Variants in PRRC2A observed in about 807,000 individuals in gnomAD.
PRRC2A encodes the protein proline rich coiled-coil 2A.
Under a neutral mutation model 224.6 loss-of-function variants are expected in PRRC2A, and 59 were observed. The observed-to-expected ratio is 0.26, with a 90% confidence interval of 0.21 to 0.33. The LOEUF (loss-of-function observed/expected upper bound fraction) is 0.33. PRRC2A is among the 10% of genes least tolerant of loss of function. The pLI is 1.00. For missense variants in PRRC2A, 3,095 were observed against 2,880.7 expected (o/e 1.07, Z -1.70); for synonymous variants, 1,194 against 1,109.5 (o/e 1.08, Z -1.51).
chr6:31,629,996 G>C, intron 14 of PRRC2A, 151 bp downstream of exon 14: 1 of 1,345,406 alleles, frequency 7.4e-7, no homozygotes, highest in Non-Finnish European at 1.0e-6. Context: ...AGATAGCTCT[G>C]TTGCAAAAAT....
At position 31,634,745 on chromosome 6, in the gene PRRC2A, C is replaced by T. The variant is rs1777112291; in HGVS notation, c.4936-8C>T. ...TGACTTAACTAGCTCCTTCTCCACT[C>T]CTCTCAGATGAGTCAGTCTGACAGT... On this transcript the variant is annotated splice_polypyrimidine_tract_variant and splice_region_variant and intron_variant, in intron 20 of 30. Transcript: ENST00000376033. 1 of 1,610,946 alleles carries T rather than the reference C, an allele frequency of 6.2e-7. No individual in the cohort carries two copies. The highest frequency in any genetic ancestry group is 2.2e-5 in the East Asian group (1 of 44,874).
At chr6:31,633,747 G>T (rs771417042) in intron 17 of PRRC2A, 100 bp downstream of exon 17, 3 of 1,528,546 alleles carry the variant, frequency 2.0e-6, no homozygotes, top group Non-Finnish European at 2.6e-6. Context: ...CCCTGCTGCT[G>T]GGTGCGTTTC....
Position 31,624,290 on chromosome 6 carries a change from A to C in PRRC2A, c.320A>C (p.Glu107Ala), listed in dbSNP as rs1211259084. 1 of 1,613,798 alleles carries C rather than the reference A, an allele frequency of 6.2e-7. No homozygotes were observed. The highest frequency in any genetic ancestry group is 1.3e-5 in the African/African-American group (1 of 74,942). ...SSDASTAQPPESQPLPASQTP... is the reference protein window; with the variant it reads ...SSDASTAQPPASQPLPASQTP... ...GATGCCTCAACCGCTCAGCCGCCGG[A>C]ATCGCAGCCACTGCCGGCTTCACAG... The change falls in exon 4 of 31, where the codon GAA becomes GCA. Residue 107 changes from glutamate to alanine, a missense_variant. Glu to Ala is a moderately radical substitution (Grantham distance 107). Around this residue, in one of 8 missense-constraint regions of PRRC2A, gnomAD observed 52 missense variants for 77.9 expected, o/e 0.67. Transcript: ENST00000376033.
rs769872470 is a variant in PRRC2A at position 31,632,341 on chromosome 6, G to A, written c.3668G>A (p.Arg1223His). The A allele has an allele frequency of 2.2e-5, 36 of 1,613,306 alleles. No individual in the cohort carries two copies. Among genetic ancestry groups the A allele is most frequent in the Middle Eastern group, 1.6e-4 (1 of 6,084 alleles). The change falls in exon 16 of 31, where the codon CGC (arginine) becomes CAC (histidine). Residue 1223 changes from arginine (R) to histidine (H), a missense_variant. Coordinates refer to ENST00000376033, the MANE Select transcript of PRRC2A (RefSeq NM_004638.4). ...CCAGGGCCTCTGTCCCCTGTGGCGC[G>A]CGGAGGCAGCAATGGAGGTAGCAAT... The part of the protein sequence containing the change: ...LIPGPLSPVA[R>H]GGSNGGSNVG...
Position 31,636,750 on chromosome 6 carries a change from A to C in PRRC2A, c.5952A>C (p.Val1984=). ...APAQQMLLPM[V]DSQLPVVNFG... ...TGTTACAGATGCTTCTACCCATGGT[A>C]GACTCACAGCTGCCTGTGGTGAACT... The change falls in exon 28 of 31, where the codon GTA becomes GTC. Residue 1984 remains valine (V), a synonymous_variant. Coordinates refer to ENST00000376033, the MANE Select transcript of PRRC2A (RefSeq NM_004638.4). This position sits in a 1 kb window ranked among gnomAD's most constrained non-coding sequence, Gnocchi z 4.3. The C allele has an allele frequency of 3.1e-6, 5 of 1,607,012 alleles. No individual in the cohort carries two copies. The highest frequency in any genetic ancestry group is 3.4e-6 in the Non-Finnish European group (4 of 1,179,994).
rs775287476 is a variant in PRRC2A, at chr6:31,626,995, T to A, written c.1087T>A (p.Ser363Thr). 2 of 1,614,184 alleles carry A rather than the reference T, an allele frequency of 1.2e-6. No homozygotes were observed. Among genetic ancestry groups the A allele is most frequent in the South Asian group, 2.2e-5 (2 of 91,092 alleles). ...ATCTGCTCACAGCAGGGATTCCCAA[T>A]CAGCTTCTGGTGAGGAACGGCCCCC... The part of the protein sequence containing the change: ...EGAEGHRDSQ[S>T]ASGEERPPEA... Residue 363 changes from serine (S) to threonine (T), a missense_variant, in exon 11 of 31, where the codon TCA (serine) becomes ACA (threonine). Around this residue, in one of 8 missense-constraint regions of PRRC2A, gnomAD observed 2,001 missense variants for 1,764.9 expected, o/e 1.13. Transcript: ENST00000376033.
chr6:31,628,932 G>T, intron 12 of PRRC2A: 1 of 560,738 alleles, frequency 1.8e-6, no homozygotes. Context: ...TTGTTCTAAT[G>T]GTTTCATAGA....
Position 31,625,494 on chromosome 6 carries a change from C to T in PRRC2A, c.642C>T (p.Gly214=). The T allele has an allele frequency of 2.5e-6, 4 of 1,587,272 alleles. No individual in the cohort carries two copies. Among genetic ancestry groups the T allele is most frequent in the Non-Finnish European group, 3.4e-6 (4 of 1,163,200 alleles). Residue 214 remains glycine, a synonymous_variant, in exon 7 of 31, where the codon GGC becomes GGT. Coordinates refer to ENST00000376033, the MANE Select transcript of PRRC2A (RefSeq NM_004638.4). This position sits in a 1 kb window ranked among gnomAD's most constrained non-coding sequence, Gnocchi z 4.1. ...CTTGGAGGGACGGAGGTGGGCGTGG[C>T]CCTGATGAGCTGGAGGGCCCGGACT... ...STTWRDGGGR[G]PDELEGPDSK...
At position 31,622,917 on chromosome 6, in the gene PRRC2A, A is replaced by T; in HGVS notation, c.112+16A>T. ...AAACCCGCTGGTGAGAGTCCTGCAA[A>T]GATGCTTCTGATGGTTGAAAGCTAG... On this transcript the variant is annotated intron_variant, in intron 2 of 30. Transcript: ENST00000376033. The T allele has an allele frequency of 6.2e-7, 1 of 1,600,216 alleles. No individual in the cohort carries two copies.
intron 14 of PRRC2A, 47 bp downstream of exon 14, chr6:31,629,892 TTAGGCATTGGATATTAG>T: frequency 6.2e-7 from 1 of 1,604,200 alleles, no homozygotes; most frequent in Non-Finnish European, 8.5e-7. Flanking sequence ...CCCCTCAGTC[TTAGGCATTGGATATTAG>T]GGTCTTACTG....
chr6:31,634,057 TTC>T lies in PRRC2A; in HGVS notation c.4719+72_4719+73del, dbSNP rs906969098. 55 of 1,582,582 alleles carry T rather than the reference TTC, an allele frequency of 3.5e-5. No individual in the cohort carries two copies. In the African/African-American group the frequency reaches 6.2e-4, roughly 18 times the overall value. Reference sequence around the variant, plus strand: ...CGTGAAAATTCTTCTGGGTTATGTTTTCTCTGTTTTCTTTCCTGTTTCTTTCA... The same window carrying T: ...CGTGAAAATTCTTCTGGGTTATGTTTTCTGTTTTCTTTCCTGTTTCTTTCA... On this transcript the variant is annotated intron_variant, in intron 18 of 30. Transcript: ENST00000376033.
At chr6:31,626,543 C>G (rs556497185) in intron 9 of PRRC2A, among the ~76,000 whole-genome samples, 2 of 147,938 alleles carry the variant, frequency 1.4e-5, no homozygotes, top group African/African-American at 2.5e-5. Context: ...GGCAACAGAG[C>G]GAGACTTTTA....
In PRRC2A at chr6:31,636,032, C is replaced by G. The variant is rs1331714374; in HGVS notation, c.5607C>G (p.Pro1869=). 4 of 1,612,406 alleles carry G rather than the reference C, an allele frequency of 2.5e-6. No individual in the cohort carries two copies. The Admixed American group carries it at 5.0e-5, about 20-fold the overall frequency. The part of the protein sequence containing the change: ...PNSGGFRPGT[P]SLHPYRSQPL... Reference sequence around the variant, plus strand: ...GTGGAGGCTTCCGCCCTGGGACACCCTCACTGCACCCTTACAGGTAAGACT... The same window carrying G: ...GTGGAGGCTTCCGCCCTGGGACACCGTCACTGCACCCTTACAGGTAAGACT... The change falls in exon 25 of 31, where the codon CCC becomes CCG. Residue 1869 remains proline, a synonymous_variant. Coordinates refer to ENST00000376033, the MANE Select transcript of PRRC2A (RefSeq NM_004638.4). This position sits in a 1 kb window ranked among gnomAD's most constrained non-coding sequence, Gnocchi z 4.3.
Position 31,633,413 on chromosome 6 carries a change from C to G in PRRC2A, c.4354C>G (p.Leu1452Val). Residue 1452 changes from leucine to valine, a missense_variant, in exon 17 of 31, where the codon CTG (leucine) becomes GTG (valine). Transcript: ENST00000376033. The stretch of plus-strand genomic sequence containing the variant: ...AGAGGAGCGTCCCCCGGGGCTTCCC[C>G]TGCCTCCCCCACCTCCCAGCAGTTC... ...PPEERPPGLP[L>V]PPPPPSSSAV... The G allele has an allele frequency of 6.2e-7, 1 of 1,613,060 alleles. No individual in the cohort carries two copies. The highest frequency in any genetic ancestry group is 8.5e-7 in the Non-Finnish European group (1 of 1,180,006).
chr6:31,627,610 A>T lies in PRRC2A; in HGVS notation c.1291-155A>T, dbSNP rs1776059064. Among the ~76,000 whole-genome samples the T allele has an allele frequency of 1.3e-5, 2 of 152,128 alleles. No homozygotes were observed. The highest frequency in any genetic ancestry group is 2.1e-4 in the South Asian group (1 of 4,822). ...ATAGCAAGACGTGGTCTCAAAGAAG[A>T]CCAGGATAATGAGTTTGTCACCACC... On this transcript the variant is annotated intron_variant, in intron 11 of 30. Transcript: ENST00000376033. This position sits in a 1 kb window ranked among gnomAD's most constrained non-coding sequence, Gnocchi z 5.6.
In PRRC2A at chr6:31,637,342, G is replaced by A; in HGVS notation, c.6333+18G>A. 4 of 1,606,026 alleles carry A rather than the reference G, an allele frequency of 2.5e-6. No homozygotes were observed. The highest frequency in any genetic ancestry group is 3.4e-6 in the Non-Finnish European group (4 of 1,173,626). ...ACCAGCAGGTGAAGGAGAAACCCTT[G>A]TGGCCCCAACTCTAAATTCGAGTTG... On this transcript the variant is annotated intron_variant, in intron 30 of 30. Coordinates refer to ENST00000376033, the MANE Select transcript of PRRC2A (RefSeq NM_004638.4).
chr6:31,628,125 C>A lies in PRRC2A; in HGVS notation c.1651C>A (p.Gln551Lys). The A allele has an allele frequency of 6.2e-7, 1 of 1,613,168 alleles. No homozygotes were observed. Among genetic ancestry groups the A allele is most frequent in the Non-Finnish European group, 8.5e-7 (1 of 1,180,016 alleles). ...TPETEPEEPA[Q>K]APPAQSTPTP... The stretch of plus-strand genomic sequence containing the variant: ...AGAGACAGAACCTGAAGAGCCAGCA[C>A]AGGCCCCTCCTGCCCAATCTACTCC... The change falls in exon 12 of 31, where the codon CAG (glutamine) becomes AAG (lysine). Residue 551 changes from glutamine to lysine, a missense_variant. By Grantham distance (53) the Gln-to-Lys change is moderately conservative (BLOSUM62 1). Coordinates refer to ENST00000376033, the MANE Select transcript of PRRC2A (RefSeq NM_004638.4).
chr6:31,633,945 A>AAT lies in PRRC2A; in HGVS notation c.4676_4677insTA (p.Lys1559AsnfsTer49). On this transcript the variant is annotated frameshift_variant, in exon 18 of 31. Transcript: ENST00000376033. LOFTEE classifies it high-confidence loss of function. ...TGCCGGGGTTAGTCCCTTTCCCCCT[A>AAT]AACGTCGGGAGCGGCCTCCCAGAAA... 1 of 1,599,234 alleles carries AAT rather than the reference A, an allele frequency of 6.3e-7. No individual in the cohort carries two copies. Among genetic ancestry groups the AAT allele is most frequent in the Non-Finnish European group, 8.5e-7 (1 of 1,176,504 alleles).
At chr6:31,630,534 G>T in intron 14 of PRRC2A, 57 bp from the exon 15 acceptor site, 2 of 1,584,446 alleles carry the variant, frequency 1.3e-6, no homozygotes, top group African/African-American at 1.3e-5. Context: ...ATGCTTTTTG[G>T]GCTGGAGGGC....
Sources: gnomAD v4.1 joint callset for allele counts (sites outside exome capture counted in the v4.1 genomes callset) on GRCh38, gnomAD v4.1.1 for gene constraint, gnomAD v4.1.1 regional missense constraint, Gnocchi (gnomAD v3.1) non-coding constraint, MANE v1.5 for transcripts, NCBI Gene and HGNC (gene_info 2026-07-23, HGNC 2026-07-21) for gene names.